Variants in RARB observed in about 807,000 individuals in gnomAD.
RARB encodes the protein retinoic acid receptor beta.
In RARB, 17 loss-of-function variants were observed where a neutral mutation model predicts 51.9. That is an observed-to-expected ratio of 0.33 (90% CI 0.22 to 0.49). The LOEUF (loss-of-function observed/expected upper bound fraction) is 0.49, where lower values mean the gene tolerates loss of function less well. Ranked by LOEUF, RARB falls within the 20% of genes least tolerant of loss-of-function variation. The probability of loss-of-function intolerance (pLI) is 0.99; values close to 1 mark genes in which losing one functional copy is unlikely to be tolerated. For missense variants in RARB, 369 were observed against 550.8 expected, an observed-to-expected ratio of 0.67 and a Z score of 3.30; for synonymous variants, 215 against 195.4, an observed-to-expected ratio of 1.10 and a Z score of -0.84.
intron 4 of RARB, among the ~76,000 whole-genome samples, chr3:25,144,183 G>A (rs933619536): frequency 6.6e-6 from 1 of 152,142 alleles, no homozygotes; most frequent in Non-Finnish European, 1.5e-5. Flanking sequence ...TTGCAGGGAT[G>A]AATTAGATAA....
At chr3:24,842,348 A>T (rs1702429737) in intron 1 of RARB, among the ~76,000 whole-genome samples, 1 of 152,170 alleles carries the variant, frequency 6.6e-6, no homozygotes, top group South Asian at 2.1e-4. Flanking sequence ...TATTTCCTTT[A>T]TAGAAAAATA....
At chr3:25,325,690 G>C (rs983770352) in intron 5 of RARB, among the ~76,000 whole-genome samples, 4 of 151,840 alleles carry the variant, frequency 2.6e-5, no homozygotes, top group Non-Finnish European at 5.9e-5. Flanking sequence ...GGAATGTTGT[G>C]GTGATGAGCC....
chr3:25,465,354 G>A (rs973810568), intron 2 of RARB, among the ~76,000 whole-genome samples: 3 of 152,026 alleles, frequency 2.0e-5, no homozygotes, highest in East Asian at 1.9e-4. Context: ...CTTGTTGACC[G>A]GTAGAAACTG....
chr3:24,980,601 G>C (rs550349929), intron 2 of RARB, among the ~76,000 whole-genome samples: 1 of 152,078 alleles, frequency 6.6e-6, no homozygotes, highest in Admixed American at 6.5e-5. Flanking sequence ...TCATACTGTG[G>C]TTTTCAGTTC....
At chr3:25,390,251 C>G (rs1666686591) in intron 5 of RARB, among the ~76,000 whole-genome samples, 1 of 152,016 alleles carries the variant, frequency 6.6e-6, no homozygotes, top group Non-Finnish European at 1.5e-5. Context: ...CCCAGCTACT[C>G]AGGAAGCTGA....
chr3:25,028,972 G>A (rs751221489), intron 2 of RARB, among the ~76,000 whole-genome samples: 18 of 152,164 alleles, frequency 1.2e-4, no homozygotes, highest in Non-Finnish European at 2.1e-4. Flanking sequence ...TTTGCCGCTG[G>A]CAAAGGGAGC....
intron 2 of RARB, among the ~76,000 whole-genome samples, chr3:25,029,657 A>T (rs556137873): frequency 6.6e-6 from 1 of 152,264 alleles, no homozygotes; most frequent in South Asian, 2.1e-4. Flanking sequence ...ACCCTGAAGC[A>T]CCATTTAGCA....
At chr3:25,511,700 C>G (rs766034412) in intron 3 of RARB, among the ~76,000 whole-genome samples, 1 of 152,092 alleles carries the variant, frequency 6.6e-6, no homozygotes, top group Admixed American at 6.6e-5. Flanking sequence ...TGAGCCCTCT[C>G]AGAGTCTCTG....
At chr3:24,981,430 G>A (rs1392316057) in intron 2 of RARB, among the ~76,000 whole-genome samples, 1 of 152,176 alleles carries the variant, frequency 6.6e-6, no homozygotes, top group African/African-American at 2.4e-5. Flanking sequence ...GCTCCACCCA[G>A]TTGGAGCTTC....
intron 3 of RARB, among the ~76,000 whole-genome samples, chr3:25,511,450 C>G (rs776931586): frequency 2.0e-5 from 3 of 151,890 alleles, no homozygotes; most frequent in Non-Finnish European, 4.4e-5. Flanking sequence ...TATTTTTTAC[C>G]CTACCTTTCT....
chr3:24,912,285 G>C (rs1213198076), intron 2 of RARB, among the ~76,000 whole-genome samples: 1 of 152,014 alleles, frequency 6.6e-6, no homozygotes, highest in Non-Finnish European at 1.5e-5. Context: ...TCTGATCTCG[G>C]GTAAGTTAGG....
At chr3:25,036,230 G>T (rs1209239325) in intron 2 of RARB, among the ~76,000 whole-genome samples, 1 of 152,152 alleles carries the variant, frequency 6.6e-6, no homozygotes, top group African/African-American at 2.4e-5. Flanking sequence ...TGCGGCAGTT[G>T]TATGAGATAG....
chr3:25,265,279 A>T (rs73045999), intron 5 of RARB, among the ~76,000 whole-genome samples: 1 of 152,176 alleles, frequency 6.6e-6, no homozygotes, highest in African/African-American at 2.4e-5. Flanking sequence ...AATTATTTTC[A>T]TGGAATGAGT....
intron 2 of RARB, among the ~76,000 whole-genome samples, chr3:25,496,087 T>C: frequency 6.6e-6 from 1 of 152,194 alleles, no homozygotes; most frequent in East Asian, 1.9e-4. Context: ...AAGGAATACA[T>C]TTAAGAAACT....
At chr3:24,956,664 A>G (rs1302226211) in intron 2 of RARB, among the ~76,000 whole-genome samples, 1 of 152,220 alleles carries the variant, frequency 6.6e-6, no homozygotes, top group Non-Finnish European at 1.5e-5. Flanking sequence ...ACAGGGTCAC[A>G]TGTATGAAAT....
intron 3 of RARB, among the ~76,000 whole-genome samples, chr3:25,549,928 G>T (rs1317308287): frequency 2.0e-5 from 3 of 151,934 alleles, no homozygotes; most frequent in Non-Finnish European, 2.9e-5. Flanking sequence ...CTCAGCTTTT[G>T]TGATCTCACC....
chr3:24,862,595 T>C (rs1702772304), intron 2 of RARB, among the ~76,000 whole-genome samples: 1 of 152,316 alleles, frequency 6.6e-6, no homozygotes, highest in South Asian at 2.1e-4. Flanking sequence ...AGCGTATCCA[T>C]GCTGTATATT....
intron 5 of RARB, among the ~76,000 whole-genome samples, chr3:25,240,538 T>G (rs1365091796): frequency 6.6e-6 from 1 of 152,192 alleles, no homozygotes; most frequent in Non-Finnish European, 1.5e-5. Context: ...TTTTTTATCA[T>G]GAAGCAATGT....
At chr3:25,404,571 A>C (rs1707354924) in intron 5 of RARB, among the ~76,000 whole-genome samples, 1 of 152,190 alleles carries the variant, frequency 6.6e-6, no homozygotes, top group African/African-American at 2.4e-5. Context: ...AATTATGAAA[A>C]GGAAAGTTTG....
Sources: allele counts gnomAD v4.1 joint callset (sites outside exome capture counted in the v4.1 genomes callset), GRCh38; gene constraint gnomAD v4.1.1; transcripts MANE v1.5; gene names NCBI Gene and HGNC (gene_info 2026-07-23, HGNC 2026-07-21).